Variants in COLGALT2 observed in about 807,000 individuals in gnomAD.
COLGALT2 encodes collagen beta(1-O)galactosyltransferase 2.
In COLGALT2, 49 loss-of-function variants were observed where a neutral mutation model predicts 73.4. That is an observed-to-expected ratio of 0.67 (90% CI 0.53 to 0.85). The LOEUF (loss-of-function observed/expected upper bound fraction) is 0.85. Ranked by LOEUF, COLGALT2 falls within the 40% of genes least tolerant of loss-of-function variation. The pLI, the probability that COLGALT2 is intolerant of heterozygous loss-of-function variation, is 0.00. For synonymous variants in COLGALT2, 295 were observed against 307.6 expected (o/e 0.96, Z 0.43); for missense variants, 722 against 790.2 (o/e 0.91, Z 1.03).
chr1:183,988,809 G>A (rs1033593112), intron 1 of COLGALT2, among the ~76,000 whole-genome samples: 2 of 152,100 alleles, frequency 1.3e-5, no homozygotes, highest in South Asian at 4.1e-4. Flanking sequence ...TTCATGTACA[G>A]GTTTTTGTGT....
chr1:184,010,799 T>G (rs1423267269), intron 1 of COLGALT2, among the ~76,000 whole-genome samples: 2 of 152,178 alleles, frequency 1.3e-5, no homozygotes, highest in African/African-American at 4.8e-5. Context: ...TCAGTCAGCC[T>G]TTGCTCCAAA....
At chr1:183,998,527 T>C (rs1671829469) in intron 1 of COLGALT2, among the ~76,000 whole-genome samples, 1 of 152,166 alleles carries the variant, frequency 6.6e-6, no homozygotes, top group African/African-American at 2.4e-5. Flanking sequence ...CCTCATCTTA[T>C]TGTTTTGCTT....
intron 1 of COLGALT2, among the ~76,000 whole-genome samples, chr1:184,001,399 C>G (rs1417773259): frequency 6.6e-6 from 1 of 152,076 alleles, no homozygotes; most frequent in Non-Finnish European, 1.5e-5. Context: ...AATTCTTACC[C>G]ATATTATGTC....
downstream of COLGALT2, among the ~76,000 whole-genome samples, chr1:183,934,143 C>G (rs1669900330): frequency 1.3e-5 from 2 of 152,208 alleles, no homozygotes; most frequent in South Asian, 4.1e-4. Flanking sequence ...CCTTGGAACC[C>G]CATTCAGTGT....
At chr1:184,034,389 C>T (rs925450509) in intron 1 of COLGALT2, among the ~76,000 whole-genome samples, 7 of 151,556 alleles carry the variant, frequency 4.6e-5, no homozygotes, top group East Asian at 1.9e-4. Context: ...TGAGTTCAAA[C>T]TAAGTGTCCA....
chr1:184,002,580 C>CA (rs1463291026), intron 1 of COLGALT2, among the ~76,000 whole-genome samples: 1 of 152,150 alleles, frequency 6.6e-6, no homozygotes, highest in Non-Finnish European at 1.5e-5. Context: ...TCAGATACCA[C>CA]AAAAATAAAA....
intron 1 of COLGALT2, among the ~76,000 whole-genome samples, chr1:184,016,877 C>G (rs1041330593): frequency 2.0e-5 from 3 of 152,150 alleles, no homozygotes; most frequent in African/African-American, 7.2e-5. Context: ...ATACTCTCAA[C>G]CTCTTCATAT....
chr1:183,930,635 T>A (rs1344966053), intron 11 of COLGALT2, among the ~76,000 whole-genome samples: 1 of 145,222 alleles, frequency 6.9e-6, no homozygotes, highest in Non-Finnish European at 1.5e-5. Context: ...CCCAGGCTGG[T>A]CTCAAACTCC....
chr1:183,983,753 T>TCTCAGTC lies in COLGALT2; in HGVS notation c.264-5240_264-5234dup, dbSNP rs570099125. 3.3e-5 allele frequency among the ~76,000 whole-genome samples: 5 copies of TCTCAGTC among 152,268 alleles called. No homozygotes were observed. The South Asian group carries it at 1.0e-3, about 32-fold the overall frequency. On this transcript the variant is annotated intron_variant, in intron 1 of 11. Transcript: ENST00000361927. ...AGGAGCTGAGGCACAGTGGCCCCTC[T>TCTCAGTC]CTCAGTCTGAAGGCTCCTTGGAAAA...
rs139609045 is a variant in COLGALT2 at position 184,026,969 on chromosome 1, C to T, written c.263+10126G>A. The stretch of plus-strand genomic sequence containing the variant: ...CTGAAGAAAGAATGTGAGGGAGTGT[C>T]GTTTTATACTGAGCCCCAGTGCAAG... On this transcript the variant is annotated intron_variant, in intron 1 of 11. Coordinates refer to ENST00000361927, the MANE Select transcript of COLGALT2 (RefSeq NM_015101.4). 5.7e-4 allele frequency among the ~76,000 whole-genome samples: 87 copies of T among 152,130 alleles called. 1 individual carries two copies. In the East Asian group the frequency reaches 0.014, roughly 25 times the overall value.
At chr1:183,945,384 T>C in intron 9 of COLGALT2, 48 bp downstream of exon 9, 1 of 1,599,730 alleles carries the variant, frequency 6.3e-7, no homozygotes, top group South Asian at 1.1e-5. Context: ...TAGCCTGCTT[T>C]CCTTTCTCCT....
chr1:183,938,671 C>A lies in COLGALT2; in HGVS notation c.*90G>T. The A allele has an allele frequency of 6.5e-7, 1 of 1,527,380 alleles. No homozygotes were observed. Among genetic ancestry groups the A allele is most frequent in the Non-Finnish European group, 8.8e-7 (1 of 1,137,836 alleles). 94.6% of individuals were successfully genotyped at this position (1,527,380 alleles called of 1,614,324 possible). A position where few individuals can be genotyped will look rare whatever the true frequency, so the allele number is the denominator to read the frequency against. On this transcript the variant is annotated 3_prime_UTR_variant, in exon 12 of 12. Transcript: ENST00000361927. Reference sequence around the variant, plus strand: ...ATGACTGTGACCACTAAGAACAAAACAAAACAGAAAACTGGAGCAAACAGA... The same window carrying A: ...ATGACTGTGACCACTAAGAACAAAAAAAAACAGAAAACTGGAGCAAACAGA...
At chr1:184,004,345 AC>A (rs1672012405) in intron 1 of COLGALT2, among the ~76,000 whole-genome samples, 1 of 152,212 alleles carries the variant, frequency 6.6e-6, no homozygotes, top group African/African-American at 2.4e-5. Flanking sequence ...ACTTTGCAAA[AC>A]TTTGAAGTTA....
At chr1:183,964,305 G>A (rs527598555) in intron 5 of COLGALT2, 1 of 399,572 alleles carries the variant, frequency 2.5e-6, no homozygotes, top group African/African-American at 2.1e-5. Context: ...AACAAAAAAG[G>A]CATGAAAGGA....
Position 183,936,404 on chromosome 1 carries a change from A to G in COLGALT2, c.*2357T>C, listed in dbSNP as rs1669956377. The G allele has an allele frequency of 1.0e-6, 1 of 986,052 alleles. No homozygotes were observed. Among genetic ancestry groups the G allele is most frequent in the Non-Finnish European group, 1.2e-6 (1 of 830,172 alleles). 61.1% of individuals were successfully genotyped at this position (986,052 alleles called of 1,614,324 possible). On this transcript the variant is annotated 3_prime_UTR_variant, in exon 12 of 12. Transcript: ENST00000361927. ...TGAGCAGGGAGAAACAAACCGGGCT[A>G]AAGGAGACAGAACTTTCTTCACAGT...
At chr1:184,033,627 A>T (rs1649581207) in intron 1 of COLGALT2, among the ~76,000 whole-genome samples, 1 of 152,262 alleles carries the variant, frequency 6.6e-6, no homozygotes, top group South Asian at 2.1e-4. Flanking sequence ...AACTGCAGAC[A>T]TTCTTCAACA....
intron 1 of COLGALT2, among the ~76,000 whole-genome samples, chr1:183,992,473 A>G (rs546226941): frequency 1.3e-5 from 2 of 152,342 alleles, no homozygotes; most frequent in South Asian, 2.1e-4. Context: ...TAGAGTCCCC[A>G]TGGGTCATGA....
exon 12 of COLGALT2, chr1:183,930,046 G>C (rs1033439743): frequency 3.0e-6 from 1 of 330,044 alleles, no homozygotes; most frequent in African/African-American, 2.2e-5. Flanking sequence ...CTCACAAACT[G>C]TTCCCAACTG....
At chr1:184,014,985 G>A (rs1372071527) in intron 1 of COLGALT2, among the ~76,000 whole-genome samples, 1 of 152,064 alleles carries the variant, frequency 6.6e-6, no homozygotes, top group Non-Finnish European at 1.5e-5. Flanking sequence ...GAGGGTGGAG[G>A]GATTCACCCT....
Sources: gnomAD v4.1 joint callset for allele counts (sites outside exome capture counted in the v4.1 genomes callset) on GRCh38, gnomAD v4.1.1 for gene constraint, MANE v1.5 for transcripts, NCBI Gene and HGNC (gene_info 2026-07-23, HGNC 2026-07-21) for gene names.